DEF6: variants seen among roughly 807,000 people sequenced by gnomAD.
The protein encoded by DEF6 is differentially expressed in FDCP 6 homolog.
Under a neutral mutation model 80.5 loss-of-function variants are expected in DEF6, and 32 were observed. The observed-to-expected ratio is 0.40, with a 90% CI of 0.30 to 0.53. The LOEUF (loss-of-function observed/expected upper bound fraction) is 0.53, where lower values mean the gene tolerates loss of function less well. Among genes scored for constraint, DEF6 ranks in the 20% least tolerant of loss-of-function variants. The pLI is 0.57. For synonymous variants in DEF6, 300 were observed against 337.9 expected, an observed-to-expected ratio of 0.89 and a Z score of 1.23; for missense variants, 575 against 818.7, an observed-to-expected ratio of 0.70 and a Z score of 3.63.
intron 1 of DEF6, among the ~76,000 whole-genome samples, chr6:35,301,416 T>A (rs1305766801): frequency 6.6e-6 from 1 of 152,218 alleles, no homozygotes; most frequent in Non-Finnish European, 1.5e-5. Context: ...CAAGTCACTG[T>A]CCATCTTCAG....
Position 35,310,469 on chromosome 6 carries a change from G to A in DEF6, c.248G>A (p.Gly83Glu). Residue 83 changes from glycine (G) to glutamate (E), a missense_variant, in exon 3 of 11, where the codon GGG becomes GAG. Transcript: ENST00000316637. ...CAGCCCTGGTGGCAGGTGGAGGAGG[G>A]GGCTTTTGTTAAAGAGCACTTTGAT... ...NKYILDKVEE[G>E]AFVKEHFDEL... 1 of 1,613,716 alleles carries A rather than the reference G, an allele frequency of 6.2e-7. No individual in the cohort carries two copies. Among genetic ancestry groups the A allele is most frequent in the Non-Finnish European group, 8.5e-7 (1 of 1,180,010 alleles).
chr6:35,318,374 A>C lies in DEF6; in HGVS notation c.1118A>C (p.Gln373Pro). Residue 373 changes from glutamine to proline, a missense_variant, in exon 7 of 11, where the codon CAG becomes CCG. By Grantham distance (76) the Gln-to-Pro change is moderately conservative. Coordinates refer to ENST00000316637, the MANE Select transcript of DEF6 (RefSeq NM_022047.4). The surrounding 1 kb of genome is among the most constrained non-coding windows in gnomAD (Gnocchi z 5.1). ...GAGCTGCTGCAGGAGGCGCAGCGGC[A>C]GGCCGAGCGGCTGCTGCAGGAGGAG... ...ELELLQEAQR[Q>P]AERLLQEEEE... is the part of the protein sequence containing the mutation. The C allele has an allele frequency of 6.5e-7, 1 of 1,538,202 alleles. No homozygotes were observed. Among genetic ancestry groups the C allele is most frequent in the South Asian group, 1.2e-5 (1 of 83,868 alleles).
intron 1 of DEF6, among the ~76,000 whole-genome samples, chr6:35,298,289 C>T (rs1791267084): frequency 6.6e-6 from 1 of 152,254 alleles, no homozygotes; most frequent in African/African-American, 2.4e-5. Context: ...CACACACCTC[C>T]ACAGAGTCAT....
chr6:35,311,766 G>A (rs1418915459), intron 3 of DEF6, among the ~76,000 whole-genome samples: 2 of 152,028 alleles, frequency 1.3e-5, no homozygotes, highest in Admixed American at 6.6e-5. Flanking sequence ...ACTCCCCAAC[G>A]CCTACCCCTA....
At chr6:35,317,802 G>C in intron 5 of DEF6, 89 bp from the exon 6 acceptor site, 1 of 1,138,718 alleles carries the variant, frequency 8.8e-7, no homozygotes, top group Non-Finnish European at 1.2e-6. Context: ...AGCCAGGAGG[G>C]CTAGGGGCTT....
intron 5 of DEF6, among the ~76,000 whole-genome samples, chr6:35,316,362 ACTT>A (rs1791525669): frequency 6.6e-6 from 1 of 152,034 alleles, no homozygotes; most frequent in South Asian, 2.1e-4. Context: ...GGCTAATCTG[ACTT>A]CTTCATTTCC....
chr6:35,309,539 C>T, intron 1 of DEF6, 131 bp from the exon 2 acceptor site: 2 of 990,302 alleles, frequency 2.0e-6, no homozygotes, highest in East Asian at 2.4e-5. Flanking sequence ...TTAGTTATTA[C>T]TGAACTGAAC....
At position 35,319,128 on chromosome 6, in the gene DEF6, A is replaced by T. The variant is rs1230429310; in HGVS notation, c.1216-396A>T. Among the ~76,000 whole-genome samples, 1 of 152,076 alleles carries T rather than the reference A, an allele frequency of 6.6e-6. No homozygotes were observed. The highest frequency in any genetic ancestry group is 1.5e-5 in the Non-Finnish European group (1 of 68,014). On this transcript the variant is annotated intron_variant, in intron 7 of 10. Transcript: ENST00000316637. This position sits in a 1 kb window ranked among gnomAD's most constrained non-coding sequence, Gnocchi z 4.5. ...AGTAACTTTTTGTTGTAATAATTGT[A>T]GTTATAGTCACATCCTTCCTAGCAT...
rs1428517327 is a variant in DEF6 at position 35,310,620 on chromosome 6, C to T, written c.399C>T (p.Tyr133=). 1 of 1,614,050 alleles carries T rather than the reference C, an allele frequency of 6.2e-7. No individual in the cohort carries two copies. The highest frequency in any genetic ancestry group is 8.5e-7 in the Non-Finnish European group (1 of 1,180,042). ...TCAACTTCCTGTCTGAGGACAAGTA[C>T]CCTCTGATCATGGTTCCTGATGAGG... ...CLFNFLSEDK[Y]PLIMVPDEVE... Residue 133 remains tyrosine, a synonymous_variant, in exon 3 of 11, where the codon TAC becomes TAT. Coordinates refer to ENST00000316637, the MANE Select transcript of DEF6 (RefSeq NM_022047.4).
At chr6:35,309,264 G>A (rs922195637) in intron 1 of DEF6, among the ~76,000 whole-genome samples, 1 of 152,198 alleles carries the variant, frequency 6.6e-6, no homozygotes, top group Non-Finnish European at 1.5e-5. Context: ...CTTGTTCAGT[G>A]TGGGTCTTTT....
rs1293537414 is a variant in DEF6, at chr6:35,319,904, G to T, written c.1468G>T (p.Glu490Ter). ...GCGCTACATCGAACGGGCGCAGCAG[G>T]AGAAGGAAGAGCTGCAGCAGGAGAT... is the stretch of plus-strand genomic sequence containing the variant. ...QERYIERAQQ[E>*]KEELQQEMAQ... The change falls in exon 9 of 11, where the codon GAG (glutamate) becomes TAG (stop). Residue 490 changes from glutamate (E) to a stop codon, truncating the protein, a stop_gained. Coordinates refer to ENST00000316637, the MANE Select transcript of DEF6 (RefSeq NM_022047.4). LOFTEE classifies it high-confidence loss of function. This position sits in a 1 kb window ranked among gnomAD's most constrained non-coding sequence, Gnocchi z 4.5. The T allele has an allele frequency of 1.3e-6, 2 of 1,573,550 alleles. No individual in the cohort carries two copies. The highest frequency in any genetic ancestry group is 1.7e-6 in the Non-Finnish European group (2 of 1,159,270).
In DEF6 at chr6:35,297,895, C is replaced by G; in HGVS notation, c.39C>G (p.Tyr13Ter). Reference protein sequence around the residue: ...LRKELLKSIWYAFTALDVEKS... With the variant: ...LRKELLKSIW ...AGGAACTGCTCAAGTCCATCTGGTA[C>G]GCCTTTACCGCGCTGGACGTGGAGA... The change falls in exon 1 of 11, where the codon TAC becomes TAG. Residue 13 changes from tyrosine (Y) to a stop codon, truncating the protein, a stop_gained. Transcript: ENST00000316637. LOFTEE classifies it high-confidence loss of function. 6.2e-7 allele frequency: 1 copy of G among 1,607,764 alleles called. No homozygotes were observed. Among genetic ancestry groups the G allele is most frequent in the Non-Finnish European group, 8.5e-7 (1 of 1,177,634 alleles).
rs569956732 is a variant in DEF6 at position 35,312,015 on chromosome 6, C to T, written c.424-287C>T. Reference sequence around the variant, plus strand: ...TGACACTTTCTGTGATTTATTGCCTCTTTCTGGACCCCAGATCTCAGGTCC... The same window carrying T: ...TGACACTTTCTGTGATTTATTGCCTTTTTCTGGACCCCAGATCTCAGGTCC... On this transcript the variant is annotated intron_variant, in intron 3 of 10. Coordinates refer to ENST00000316637, the MANE Select transcript of DEF6 (RefSeq NM_022047.4). The surrounding 1 kb of genome is among the most constrained non-coding windows in gnomAD (Gnocchi z 6.6). 3.9e-5 allele frequency among the ~76,000 whole-genome samples: 6 copies of T among 152,298 alleles called. No individual in the cohort carries two copies. The South Asian group carries it at 1.0e-3, about 26-fold the overall frequency.
At position 35,309,667 on chromosome 6, in the gene DEF6, C is replaced by T; in HGVS notation, c.97-3C>T. The T allele has an allele frequency of 1.2e-6, 2 of 1,613,568 alleles. No homozygotes were observed. Among genetic ancestry groups the T allele is most frequent in the Non-Finnish European group, 8.5e-7 (1 of 1,179,722 alleles). On this transcript the variant is annotated splice_polypyrimidine_tract_variant and splice_region_variant and intron_variant, in intron 1 of 10. Transcript: ENST00000316637. ...GACACACTGCCACTCTACTCTATCC[C>T]AGGTGCTGTCCCACAACCTGTACAC... is the stretch of plus-strand genomic sequence containing the variant.
At chr6:35,320,775 TG>T in intron 9 of DEF6, 108 bp from the exon 10 acceptor site, 1 of 889,202 alleles carries the variant, frequency 1.1e-6, no homozygotes, top group Non-Finnish European at 1.7e-6. Context: ...TCTGGGGAGA[TG>T]ATCAGTAGTC....
chr6:35,302,817 T>C (rs1483765590), intron 1 of DEF6, among the ~76,000 whole-genome samples: 1 of 152,158 alleles, frequency 6.6e-6, no homozygotes, highest in African/African-American at 2.4e-5. Flanking sequence ...GTGATTGTGG[T>C]GCTCAGCCAG....
At chr6:35,317,722 A>T in intron 5 of DEF6, 169 bp from the exon 6 acceptor site, 6 of 475,220 alleles carry the variant, frequency 1.3e-5, no homozygotes, top group East Asian at 3.9e-5. Flanking sequence ...AGTTGTGGGG[A>T]CTTAAGTCCC....
At chr6:35,300,938 G>A (rs1357412293) in intron 1 of DEF6, among the ~76,000 whole-genome samples, 4 of 152,200 alleles carry the variant, frequency 2.6e-5, no homozygotes, top group Non-Finnish European at 5.9e-5. Context: ...CTATCAGGCA[G>A]TGGGGTGAAG....
intron 1 of DEF6, among the ~76,000 whole-genome samples, chr6:35,298,315 G>A (rs1791267613): frequency 1.3e-5 from 2 of 152,226 alleles, no homozygotes; most frequent in African/African-American, 4.8e-5. Flanking sequence ...GGCACGCAGT[G>A]TGCTCTTTCT....
Sources: allele counts gnomAD v4.1 joint callset (sites outside exome capture counted in the v4.1 genomes callset), GRCh38; gene constraint gnomAD v4.1.1; non-coding constraint Gnocchi (gnomAD v3.1); transcripts MANE v1.5; gene names NCBI Gene and HGNC (gene_info 2026-07-23, HGNC 2026-07-21).